The following MRC1 variants were observed in gnomAD, a reference collection of about 807,000 sequenced individuals.
The protein encoded by MRC1 is macrophage mannose receptor 1.
Under a neutral mutation model 102.9 loss-of-function variants are expected in MRC1, and 62 were observed. The observed-to-expected ratio is 0.60, with a 90% CI of 0.49 to 0.74. MRC1 has a LOEUF of 0.74. Ranked by LOEUF, MRC1 falls within the 30% of genes least tolerant of loss-of-function variation. MRC1 has a pLI of 0.00. For synonymous variants in MRC1, 457 were observed against 298.4 expected, an observed-to-expected ratio of 1.53 and a Z score of -5.48; for missense variants, 1,237 against 862.8, an observed-to-expected ratio of 1.43 and a Z score of -5.43.
Position 17,843,073 on chromosome 10 carries a change from G to A in MRC1, c.917-2216G>A, listed in dbSNP as rs959267820. On this transcript the variant is annotated intron_variant, in intron 5 of 29. Coordinates refer to ENST00000569591, the MANE Select transcript of MRC1 (RefSeq NM_002438.4). ...TGAAGTGAGGATGTTTTGCATAAAT[G>A]ATGTACAAGTGTGAATTCAAATATA... 5.7e-4 allele frequency among the ~76,000 whole-genome samples: 87 copies of A among 152,286 alleles called. No homozygotes were observed. In the South Asian group the frequency reaches 0.016, roughly 29 times the overall value.
At chr10:17,864,112 C>T (rs991755098) in intron 11 of MRC1, among the ~76,000 whole-genome samples, 15 of 152,144 alleles carry the variant, frequency 9.9e-5, no homozygotes, top group African/African-American at 2.6e-4. Context: ...AAACAATTAT[C>T]GTGCCTCAGC....
intron 5 of MRC1, among the ~76,000 whole-genome samples, chr10:17,841,486 G>T (rs989845631): frequency 0.029 from 4,377 of 152,252 alleles, 216 homozygotes; most frequent in African/African-American, 0.1. Context: ...CAGAGTTGGG[G>T]ATGATAAAAC....
rs966169565 is a variant in MRC1 at position 17,876,502 on chromosome 10, C to A, written c.2550+1249C>A. 7.9e-5 allele frequency among the ~76,000 whole-genome samples: 12 copies of A among 152,234 alleles called. No individual in the cohort carries two copies. The East Asian group carries it at 2.3e-3, about 29-fold the overall frequency. Reference sequence around the variant, plus strand: ...ACCTTAAGTGATCTGCCTGCCTTGGCCTCCCAAATTGCTAGGATTGCAGAC... The same window carrying A: ...ACCTTAAGTGATCTGCCTGCCTTGGACTCCCAAATTGCTAGGATTGCAGAC... On this transcript the variant is annotated intron_variant, in intron 17 of 29. Transcript: ENST00000569591.
rs1340101330 is a variant in MRC1, at chr10:17,878,907, A to T, written c.2619-814A>T. Among the ~76,000 whole-genome samples the T allele has an allele frequency of 3.9e-5, 6 of 152,224 alleles. No homozygotes were observed. In the East Asian group the frequency reaches 1.2e-3, roughly 29 times the overall value. On this transcript the variant is annotated intron_variant, in intron 18 of 29. Coordinates refer to ENST00000569591, the MANE Select transcript of MRC1 (RefSeq NM_002438.4). ...CCATTTTATCATTTCTAAAGTGAAAAGGTCAAATTTCATGATCTCATGGCT... is the reference window on the plus strand; with the variant it reads ...CCATTTTATCATTTCTAAAGTGAAATGGTCAAATTTCATGATCTCATGGCT...
intron 1 of MRC1, among the ~76,000 whole-genome samples, 163 bp downstream of exon 1, chr10:17,809,689 C>A (rs934290766): frequency 1.3e-5 from 2 of 152,166 alleles, no homozygotes; most frequent in African/African-American, 4.8e-5. Context: ...CTTCACCTGG[C>A]GGCCAGGCAT....
intron 1 of MRC1, among the ~76,000 whole-genome samples, chr10:17,813,682 T>TTATATATA (rs1160018461): frequency 5.6e-5 from 7 of 124,050 alleles, no homozygotes; most frequent in Non-Finnish European, 8.3e-5. Flanking sequence ...CACACACACA[T>TTATATATA]TATATATATA....
In MRC1 at chr10:17,898,218, G is replaced by C. The variant is rs1186293704; in HGVS notation, c.3435G>C (p.Gln1145His). Residue 1145 changes from glutamine to histidine, a missense_variant, in exon 24 of 30, where the codon CAG becomes CAC. By Grantham distance (24) the Gln-to-His change is conservative. Transcript: ENST00000569591. ...DPYSNAFAWL[Q>H]METSNERVWI... ...ACAGTAATGCATTTGCGTGGCTGCA[G>C]ATGGAAACATCTAATGAACGTGTGT... 2.6e-6 allele frequency: 2 copies of C among 780,880 alleles called. No homozygotes were observed. Among genetic ancestry groups the C allele is most frequent in the East Asian group, 4.8e-5 (2 of 41,252 alleles). 48.4% of individuals were successfully genotyped at this position (780,880 alleles called of 1,614,324 possible).
intron 26 of MRC1, 85 bp downstream of exon 26, chr10:17,902,207 G>T: frequency 1.5e-6 from 1 of 675,294 alleles, no homozygotes; most frequent in Non-Finnish European, 2.7e-6. Context: ...TACAAAGAAT[G>T]TAAAAATACC....
At chr10:17,833,376 C>T (rs1008148694) in intron 3 of MRC1, among the ~76,000 whole-genome samples, 6 of 151,868 alleles carry the variant, frequency 4.0e-5, no homozygotes, top group Admixed American at 2.0e-4. Flanking sequence ...AAAAAGTTAG[C>T]CAGGCATGGT....
intron 6 of MRC1, among the ~76,000 whole-genome samples, chr10:17,846,733 C>G (rs914431580): frequency 6.6e-6 from 1 of 152,180 alleles, no homozygotes; most frequent in Non-Finnish European, 1.5e-5. Flanking sequence ...TTTTGGACAT[C>G]ATTCCACGTA....
In MRC1 at chr10:17,858,649, G is replaced by T. The variant is rs1409843163; in HGVS notation, c.1518+2297G>T. Among the ~76,000 whole-genome samples the T allele has an allele frequency of 2.0e-4, 31 of 152,104 alleles. 1 individual carries two copies. Among genetic ancestry groups the T allele is most frequent in the Admixed American group, 2.0e-3 (31 of 15,258 alleles). On this transcript the variant is annotated intron_variant, in intron 9 of 29. Coordinates refer to ENST00000569591, the MANE Select transcript of MRC1 (RefSeq NM_002438.4). The stretch of plus-strand genomic sequence containing the variant: ...ACTATAGGCACAAGCTACCATGCCT[G>T]GCTAATTTTTGTATTTTTGGTAGAG...
intron 16 of MRC1, 130 bp downstream of exon 16, chr10:17,873,955 C>T (rs1056239020): frequency 3.5e-5 from 25 of 710,228 alleles, no homozygotes; most frequent in African/African-American, 8.9e-5. Flanking sequence ...TGAGTGAGAA[C>T]GTCATGGAAA....
intron 4 of MRC1, among the ~76,000 whole-genome samples, chr10:17,836,816 A>G (rs1554839497): frequency 1.3e-5 from 2 of 152,160 alleles, no homozygotes; most frequent in Non-Finnish European, 2.9e-5. Context: ...AGCCTGGGCA[A>G]CAAGAGTGAA....
intron 12 of MRC1, among the ~76,000 whole-genome samples, chr10:17,869,707 T>C (rs1057008594): frequency 6.6e-6 from 1 of 152,182 alleles, no homozygotes; most frequent in Non-Finnish European, 1.5e-5. Flanking sequence ...GTTGTTAAGA[T>C]GTACAACCAT....
intron 26 of MRC1, among the ~76,000 whole-genome samples, chr10:17,903,728 A>G (rs1214922964): frequency 6.6e-6 from 1 of 151,784 alleles, no homozygotes; most frequent in Non-Finnish European, 1.5e-5. Context: ...TTCTTTTACT[A>G]TATATCGTTT....
chr10:17,887,246 C>A (rs1428335478), intron 22 of MRC1, among the ~76,000 whole-genome samples: 2 of 152,128 alleles, frequency 1.3e-5, no homozygotes, highest in Non-Finnish European at 2.9e-5. Context: ...AAAAAATTAG[C>A]CGGGCGTGGT....
At chr10:17,854,218 T>C (rs1203166295) in intron 8 of MRC1, among the ~76,000 whole-genome samples, 1 of 152,040 alleles carries the variant, frequency 6.6e-6, no homozygotes, top group Non-Finnish European at 1.5e-5. Flanking sequence ...TCCCAAAGTG[T>C]TGAGGTTACA....
At chr10:17,866,848 A>G in intron 12 of MRC1, 87 bp downstream of exon 12, 1 of 770,184 alleles carries the variant, frequency 1.3e-6, no homozygotes. Context: ...ACAAACAAAA[A>G]CCAAAACACT....
At chr10:17,821,062 G>A (rs1554838239) in intron 1 of MRC1, among the ~76,000 whole-genome samples, 1 of 152,184 alleles carries the variant, frequency 6.6e-6, no homozygotes. Context: ...TCTGTGAACA[G>A]TTGTCAAGTG....
Sources: allele counts gnomAD v4.1 joint callset (sites outside exome capture counted in the v4.1 genomes callset), GRCh38; gene constraint gnomAD v4.1.1; transcripts MANE v1.5; gene names NCBI Gene and HGNC (gene_info 2026-07-23, HGNC 2026-07-21).